The following JAZF1 variants were observed in gnomAD, a reference collection of about 807,000 sequenced individuals.
JAZF1 encodes the protein JAZF zinc finger 1.
JAZF1 carries 8 observed loss-of-function variants against 26.4 expected under a neutral mutation model. That is an observed-to-expected ratio of 0.30 (90% CI 0.18 to 0.55). The LOEUF is 0.55. JAZF1 is among the 20% of genes least tolerant of loss of function. The probability of loss-of-function intolerance (pLI) is 0.94; values close to 1 mark genes in which losing one functional copy is unlikely to be tolerated. For synonymous variants in JAZF1, 126 were observed against 122.3 expected, an observed-to-expected ratio of 1.03 and a Z score of -0.20; for missense variants, 199 against 322.0, an observed-to-expected ratio of 0.62 and a Z score of 2.92.
At chr7:28,086,762 T>C (rs953458408) in intron 1 of JAZF1, among the ~76,000 whole-genome samples, 2 of 152,230 alleles carry the variant, frequency 1.3e-5, no homozygotes, top group Non-Finnish European at 2.9e-5. Flanking sequence ...GAAAATCAAT[T>C]TCCTTCTACA....
intron 1 of JAZF1, among the ~76,000 whole-genome samples, chr7:28,111,371 T>C (rs1257711501): frequency 1.3e-5 from 2 of 152,254 alleles, no homozygotes; most frequent in Non-Finnish European, 2.9e-5. Flanking sequence ...CTGTTTTATT[T>C]ATTAGGGTTT....
At chr7:27,932,862 C>G (rs1784706103) in intron 2 of JAZF1, among the ~76,000 whole-genome samples, 1 of 152,132 alleles carries the variant, frequency 6.6e-6, no homozygotes, top group East Asian at 1.9e-4. Flanking sequence ...GGCTTACATA[C>G]TTTTTCATAC....
intron 1 of JAZF1, among the ~76,000 whole-genome samples, chr7:28,109,664 T>C (rs1464577719): frequency 6.6e-6 from 1 of 152,232 alleles, no homozygotes; most frequent in Non-Finnish European, 1.5e-5. Context: ...AATTAACTAG[T>C]CCTAGATAAT....
chr7:28,177,297 T>G (rs1223827726), intron 1 of JAZF1, among the ~76,000 whole-genome samples: 1 of 152,210 alleles, frequency 6.6e-6, no homozygotes, highest in Non-Finnish European at 1.5e-5. Flanking sequence ...ACACTTCCCT[T>G]GGTTCTAAAG....
chr7:28,026,465 T>C (rs1277788552), intron 1 of JAZF1, among the ~76,000 whole-genome samples: 5 of 152,176 alleles, frequency 3.3e-5, no homozygotes, highest in Non-Finnish European at 7.4e-5. Flanking sequence ...GTAATAGCCC[T>C]GATTTTGAAC....
chr7:28,112,450 T>C (rs1784676393), intron 1 of JAZF1, among the ~76,000 whole-genome samples: 1 of 152,240 alleles, frequency 6.6e-6, no homozygotes, highest in African/African-American at 2.4e-5. Flanking sequence ...TTAAAGTTTG[T>C]AAAGTTGGTT....
chr7:28,057,696 A>G (rs766776542), intron 1 of JAZF1, among the ~76,000 whole-genome samples: 3 of 152,224 alleles, frequency 2.0e-5, no homozygotes, highest in Non-Finnish European at 2.9e-5. Flanking sequence ...CAGTTTTAAT[A>G]AGTTAGGAAT....
chr7:28,054,891 C>G (rs1181857073), intron 1 of JAZF1, among the ~76,000 whole-genome samples: 1 of 152,002 alleles, frequency 6.6e-6, no homozygotes, highest in Admixed American at 6.6e-5. Flanking sequence ...CCCACACCAT[C>G]CCTCCCTAAA....
chr7:27,983,400 A>T (rs1302132360), intron 2 of JAZF1, among the ~76,000 whole-genome samples: 1 of 152,236 alleles, frequency 6.6e-6, no homozygotes, highest in East Asian at 1.9e-4. Context: ...GTTTAGAGAA[A>T]AAAGAGTAAA....
chr7:28,042,356 G>A (rs939002485), intron 1 of JAZF1, among the ~76,000 whole-genome samples: 12 of 152,276 alleles, frequency 7.9e-5, no homozygotes, highest in Non-Finnish European at 1.6e-4. Flanking sequence ...AAATGGAGAA[G>A]CACAGAAGAA....
At chr7:27,998,625 T>C (rs1023207665) in intron 1 of JAZF1, among the ~76,000 whole-genome samples, 2 of 152,222 alleles carry the variant, frequency 1.3e-5, no homozygotes, top group Non-Finnish European at 2.9e-5. Flanking sequence ...TTTCCCAAAT[T>C]CAATGTGAAA....
rs11301719 is a variant in JAZF1, at chr7:28,134,466, CTT to C, written c.115+45995_115+45996del. 5.1e-3 allele frequency among the ~76,000 whole-genome samples: 684 copies of C among 133,128 alleles called. 1 individual carries two copies. The highest frequency in any genetic ancestry group is 9.3e-3 in the African/African-American group (335 of 36,106). 87.3% of individuals were successfully genotyped at this position (133,128 alleles called of 152,430 possible). On this transcript the variant is annotated intron_variant, in intron 1 of 4. Coordinates refer to ENST00000283928, the MANE Select transcript of JAZF1 (RefSeq NM_175061.4). ...TAGGTATGCACACCAGCATGCCTAG[CTT>C]TTTTTTTTTTTTTTTTTAATTTTTC...
chr7:27,832,678 A>T lies in JAZF1; in HGVS notation c.*122T>A. Reference sequence around the variant, plus strand: ...CATTCCAAAATTACAGAAAAAATTTAAAGCATGCATTTAATTCTTTTTCTT... The same window carrying T: ...CATTCCAAAATTACAGAAAAAATTTTAAGCATGCATTTAATTCTTTTTCTT... On this transcript the variant is annotated 3_prime_UTR_variant, in exon 5 of 5. Coordinates refer to ENST00000283928, the MANE Select transcript of JAZF1 (RefSeq NM_175061.4). 1 of 758,136 alleles carries T rather than the reference A, an allele frequency of 1.3e-6. No individual in the cohort carries two copies. Among genetic ancestry groups the T allele is most frequent in the Non-Finnish European group, 2.0e-6 (1 of 489,768 alleles). The allele number at this position is 758,136 out of a possible 1,614,324, so 47.0% of individuals were successfully genotyped here. A position where few individuals can be genotyped will look rare whatever the true frequency, so the allele number is the denominator to read the frequency against.
At chr7:27,904,303 C>T (rs931971553) in intron 2 of JAZF1, among the ~76,000 whole-genome samples, 1 of 152,158 alleles carries the variant, frequency 6.6e-6, no homozygotes, top group African/African-American at 2.4e-5. Flanking sequence ...CGTACATCTG[C>T]TAATAAATTC....
chr7:28,130,456 T>G (rs1266163716), intron 1 of JAZF1, among the ~76,000 whole-genome samples: 2 of 152,144 alleles, frequency 1.3e-5, no homozygotes, highest in Non-Finnish European at 2.9e-5. Context: ...CTCTTGCATG[T>G]TTATAAATGA....
At chr7:28,077,591 C>CA (rs1417693050) in intron 1 of JAZF1, among the ~76,000 whole-genome samples, 5 of 151,780 alleles carry the variant, frequency 3.3e-5, no homozygotes, top group Non-Finnish European at 7.4e-5. Context: ...AAAAAAGTGG[C>CA]AAAATCCCAG....
intron 2 of JAZF1, among the ~76,000 whole-genome samples, chr7:27,983,340 A>G (rs1262909312): frequency 6.6e-6 from 1 of 152,236 alleles, no homozygotes; most frequent in Non-Finnish European, 1.5e-5. Flanking sequence ...ACTGGAAGAA[A>G]GGGTATCAGT....
At chr7:28,080,696 T>G (rs908344668) in intron 1 of JAZF1, among the ~76,000 whole-genome samples, 2 of 152,332 alleles carry the variant, frequency 1.3e-5, no homozygotes, top group Non-Finnish European at 2.9e-5. Flanking sequence ...AGGAAGGACC[T>G]GTTGATAGAG....
At chr7:28,098,760 G>A (rs1784423814) in intron 1 of JAZF1, among the ~76,000 whole-genome samples, 1 of 152,194 alleles carries the variant, frequency 6.6e-6, no homozygotes, top group Admixed American at 6.5e-5. Context: ...AACACTGACT[G>A]TGTACTGACA....
Sources: gnomAD v4.1 joint callset for allele counts (sites outside exome capture counted in the v4.1 genomes callset) on GRCh38, gnomAD v4.1.1 for gene constraint, MANE v1.5 for transcripts, NCBI Gene and HGNC (gene_info 2026-07-23, HGNC 2026-07-21) for gene names.